ZFYVE28: variants seen among roughly 807,000 people sequenced by gnomAD.
The protein encoded by ZFYVE28 is zinc finger FYVE-type containing 28.
A neutral mutation model predicts 82.1 loss-of-function variants in ZFYVE28; 40 were observed. That is an observed-to-expected ratio of 0.49 (90% CI 0.38 to 0.63). The LOEUF is 0.63. ZFYVE28 is among the 30% of genes least tolerant of loss of function. ZFYVE28 has a pLI of 0.00. For missense variants in ZFYVE28, 1,321 were observed against 1,242.1 expected (o/e 1.06, Z -0.96); for synonymous variants, 612 against 546.1 (o/e 1.12, Z -1.68).
chr4:2,289,871 G>A (rs1483354195), intron 8 of ZFYVE28, among the ~76,000 whole-genome samples: 3 of 152,072 alleles, frequency 2.0e-5, no homozygotes, highest in South Asian at 4.2e-4. Context: ...AGAAGAACTC[G>A]GCGAACCTGA....
rs747567438 is a variant in ZFYVE28, at chr4:2,274,177, C to T, written c.2091G>A (p.Gly697=). The T allele has an allele frequency of 6.2e-7, 1 of 1,613,842 alleles. No individual in the cohort carries two copies. The highest frequency in any genetic ancestry group is 1.7e-5 in the Admixed American group (1 of 60,012). Residue 697 remains glycine, a synonymous_variant, in exon 9 of 13, where the codon GGG becomes GGA. Coordinates refer to ENST00000290974, the MANE Select transcript of ZFYVE28 (RefSeq NM_020972.3). Reference sequence around the variant, plus strand: ...GCGTGGCTGCTGGGGCCGCCTCTGGCCCCATCTTGTCTGAGGAGCAGGACC... The same window carrying T: ...GCGTGGCTGCTGGGGCCGCCTCTGGTCCCATCTTGTCTGAGGAGCAGGACC... The part of the protein sequence containing the change: ...TAGSCSSDKM[G]PEAAPAATHA...
chr4:2,357,121 T>G (rs1003975450), intron 1 of ZFYVE28, among the ~76,000 whole-genome samples: 2 of 152,188 alleles, frequency 1.3e-5, no homozygotes, highest in African/African-American at 4.8e-5. Flanking sequence ...GGTCTCGAGC[T>G]CCTGACCTCA....
rs73087132 is a variant in ZFYVE28 at position 2,332,850 on chromosome 4, A to T, written c.701+2855T>A. ...CGAGGCTCGCTGCACAGAGGGTTGC[A>T]GTGGCAGCCTGGTGCACCCCACGGT... On this transcript the variant is annotated intron_variant, in intron 6 of 12. Transcript: ENST00000290974. This position sits in a 1 kb window ranked among gnomAD's most constrained non-coding sequence, Gnocchi z 4.7. Among the ~76,000 whole-genome samples the T allele has an allele frequency of 6.6e-6, 1 of 152,080 alleles. No individual in the cohort carries two copies. Among genetic ancestry groups the T allele is most frequent in the African/African-American group, 2.4e-5 (1 of 41,380 alleles).
intron 8 of ZFYVE28, among the ~76,000 whole-genome samples, chr4:2,298,222 G>A (rs1356679187): frequency 6.6e-6 from 1 of 151,640 alleles, no homozygotes; most frequent in African/African-American, 2.4e-5. Flanking sequence ...CAGAGGATGA[G>A]CGGTGACAGT....
chr4:2,405,178 G>A (rs371832412), intron 1 of ZFYVE28, among the ~76,000 whole-genome samples: 11 of 152,116 alleles, frequency 7.2e-5, no homozygotes, highest in East Asian at 3.9e-4. Flanking sequence ...AGAGTGGCCC[G>A]GACAAAGCGG....
intron 7 of ZFYVE28, among the ~76,000 whole-genome samples, chr4:2,308,693 A>AGAAAG (rs1717046785): frequency 8.5e-5 from 10 of 117,296 alleles, no homozygotes; most frequent in African/African-American, 3.2e-4. Context: ...GAAAGAAAAG[A>AGAAAG]AAAGAAAAGA....
At chr4:2,287,888 G>C (rs969104608) in intron 8 of ZFYVE28, among the ~76,000 whole-genome samples, 16 of 152,210 alleles carry the variant, frequency 1.1e-4, no homozygotes, top group African/African-American at 2.9e-4. Flanking sequence ...AGGAGACACT[G>C]GATATGGATG....
chr4:2,311,487 C>CTG (rs1312153533), intron 7 of ZFYVE28, among the ~76,000 whole-genome samples: 2 of 152,200 alleles, frequency 1.3e-5, no homozygotes, highest in African/African-American at 4.8e-5. Flanking sequence ...GATCGCACCA[C>CTG]TGTACTCCAG....
At chr4:2,274,706 G>A (rs1285276926) in intron 8 of ZFYVE28, among the ~76,000 whole-genome samples, 6 of 152,242 alleles carry the variant, frequency 3.9e-5, no homozygotes, top group Admixed American at 3.9e-4. Flanking sequence ...GAGATGAAGA[G>A]ATTGCCCTGA....
chr4:2,345,743 T>C (rs1723440930), intron 2 of ZFYVE28, among the ~76,000 whole-genome samples: 2 of 151,216 alleles, frequency 1.3e-5, no homozygotes, highest in East Asian at 2.0e-4. Context: ...AATTACAGCA[T>C]AATCAAATTG....
chr4:2,368,847 A>C (rs1185830725), intron 1 of ZFYVE28, among the ~76,000 whole-genome samples: 2 of 152,254 alleles, frequency 1.3e-5, no homozygotes, highest in African/African-American at 4.8e-5. Context: ...TTCTTGGGCC[A>C]TATGGCACTT....
At chr4:2,404,328 A>AAAAAAAG (rs1731568852) in intron 1 of ZFYVE28, among the ~76,000 whole-genome samples, 3 of 38,184 alleles carry the variant, frequency 7.9e-5, no homozygotes, top group Non-Finnish European at 1.6e-4. Flanking sequence ...AAAAAAAAAA[A>AAAAAAAG]CGCTGAAGAT....
At chr4:2,364,798 G>A (rs1181032436) in intron 1 of ZFYVE28, 53 of 985,458 alleles carry the variant, frequency 5.4e-5, no homozygotes, top group Non-Finnish European at 5.8e-5. Flanking sequence ...GCCTCCGAGC[G>A]GGTGACTGGG....
At chr4:2,371,598 T>C (rs1206142653) in intron 1 of ZFYVE28, among the ~76,000 whole-genome samples, 1 of 152,092 alleles carries the variant, frequency 6.6e-6, no homozygotes, top group East Asian at 1.9e-4. Flanking sequence ...AAAGCCAGGA[T>C]AGTATCTGCA....
intron 1 of ZFYVE28, among the ~76,000 whole-genome samples, chr4:2,413,458 G>C (rs986433505): frequency 1.3e-5 from 2 of 152,236 alleles, no homozygotes; most frequent in African/African-American, 4.8e-5. Context: ...CCGGTGCGCA[G>C]GGCCAGCCAC....
chr4:2,395,592 C>T (rs1447535864), intron 1 of ZFYVE28, among the ~76,000 whole-genome samples: 4 of 152,254 alleles, frequency 2.6e-5, no homozygotes, highest in Non-Finnish European at 5.9e-5. Context: ...GTCCCCAAAG[C>T]TCCCTTGGTG....
intron 7 of ZFYVE28, among the ~76,000 whole-genome samples, chr4:2,308,669 GAA>G (rs779013567): frequency 4.0e-4 from 35 of 88,576 alleles, no homozygotes; most frequent in African/African-American, 1.3e-3. Context: ...AAGAAAGAAA[GAA>G]AGAAAGAGAA....
chr4:2,359,717 G>A (rs964099863), intron 1 of ZFYVE28, among the ~76,000 whole-genome samples: 2 of 152,172 alleles, frequency 1.3e-5, no homozygotes, highest in Non-Finnish European at 2.9e-5. Context: ...TGTTGCGGCC[G>A]CCTGACCTGT....
intron 8 of ZFYVE28, among the ~76,000 whole-genome samples, chr4:2,288,079 C>T (rs550891473): frequency 2.2e-4 from 33 of 152,298 alleles, no homozygotes; most frequent in African/African-American, 7.9e-4. Flanking sequence ...GCAGAAGCAA[C>T]TGGCCTGTGG....
Sources: allele counts gnomAD v4.1 joint callset (sites outside exome capture counted in the v4.1 genomes callset), GRCh38; gene constraint gnomAD v4.1.1; non-coding constraint Gnocchi (gnomAD v3.1); transcripts MANE v1.5; gene names NCBI Gene and HGNC (gene_info 2026-07-23, HGNC 2026-07-21).